DHRSX: variants seen among roughly 807,000 people sequenced by gnomAD.
The protein encoded by DHRSX is polyprenol dehydrogenase.
DHRSX carries 31 observed loss-of-function variants against 34.0 expected under a neutral mutation model. The ratio of observed to expected loss-of-function variants is 0.91; its 90% CI spans 0.69 to 1.23. The LOEUF (loss-of-function observed/expected upper bound fraction) is 1.23. Ranked by LOEUF, DHRSX falls within the 50% of genes most tolerant of loss-of-function variation. DHRSX has a pLI of 0.00. For missense variants in DHRSX, 414 were observed against 428.1 expected (o/e 0.97, Z 0.29); for synonymous variants, 201 against 183.8 (o/e 1.09, Z -0.76).
chrX:2,352,762 G>A (rs1400296766), intron 3 of DHRSX, among the ~76,000 whole-genome samples: 1 of 152,162 alleles, frequency 6.6e-6, no homozygotes, highest in Non-Finnish European at 1.5e-5. Flanking sequence ...GGCTCCTACA[G>A]CAAATAAAAC....
At chrX:2,489,573 G>A (rs1328743695) in intron 1 of DHRSX, 1 of 1,612,628 alleles carries the variant, frequency 6.2e-7, no homozygotes, top group Non-Finnish European at 8.5e-7. Context: ...AGCATGAGGT[G>A]GTGGTTGTTG....
chrX:2,311,955 G>A (rs1194305782), intron 3 of DHRSX, among the ~76,000 whole-genome samples: 1 of 152,152 alleles, frequency 6.6e-6, no homozygotes, highest in African/African-American at 2.4e-5. Context: ...GTTTCCCACT[G>A]TGTTCAAATT....
intron 3 of DHRSX, among the ~76,000 whole-genome samples, chrX:2,314,359 AAGAAGGGAGAGAGGGAAAGGAAT>A (rs2042207430): frequency 2.2e-4 from 1 of 4,530 alleles, no homozygotes; most frequent in African/African-American, 1.3e-3. Context: ...GAGGGAGGGA[AAGAAGGGAGAGAGGGAAAGGAAT>A]GGAGGGAAGG....
intron 4 of DHRSX, among the ~76,000 whole-genome samples, chrX:2,288,746 A>G (rs770876951): frequency 1.3e-5 from 2 of 152,284 alleles, no homozygotes; most frequent in Admixed American, 1.3e-4. Flanking sequence ...GAAGAAGTAA[A>G]CCCAATATGT....
At chrX:2,372,060 CCT>C (rs779121072) in intron 3 of DHRSX, among the ~76,000 whole-genome samples, 14 of 152,166 alleles carry the variant, frequency 9.2e-5, no homozygotes, top group African/African-American at 3.1e-4. Context: ...ACACGTGACC[CCT>C]GACCCCTGTT....
chrX:2,266,353 C>T (rs1429972352), intron 5 of DHRSX, among the ~76,000 whole-genome samples: 22 of 147,074 alleles, frequency 1.5e-4, no homozygotes, highest in Non-Finnish European at 2.7e-4. Flanking sequence ...CCCCAGAGCA[C>T]CAGTGCTCGG....
chrX:2,426,695 C>A (rs61455536), intron 1 of DHRSX, among the ~76,000 whole-genome samples: 2 of 146,788 alleles, frequency 1.4e-5, no homozygotes, highest in East Asian at 4.1e-4. Flanking sequence ...CCTTTCCTTC[C>A]TTTCTCCTTC....
intron 6 of DHRSX, among the ~76,000 whole-genome samples, chrX:2,241,803 G>A (rs1235625022): frequency 1.3e-5 from 2 of 152,064 alleles, no homozygotes; most frequent in Non-Finnish European, 2.9e-5. Context: ...AGCTACTCGG[G>A]AAGCTGAGGC....
chrX:2,247,236 A>G (rs1395514189), intron 5 of DHRSX, among the ~76,000 whole-genome samples: 1 of 152,082 alleles, frequency 6.6e-6, no homozygotes, highest in Non-Finnish European at 1.5e-5. Context: ...GGTGTGAGCC[A>G]CTGTACATGG....
At chrX:2,282,651 G>T (rs1465857808) in intron 4 of DHRSX, among the ~76,000 whole-genome samples, 4 of 137,010 alleles carry the variant, frequency 2.9e-5, no homozygotes, top group African/African-American at 8.0e-5. Context: ...AGGGAGAGAG[G>T]GAGAGAGAGA....
intron 5 of DHRSX, among the ~76,000 whole-genome samples, chrX:2,264,798 G>A (rs1216929134): frequency 8.8e-6 from 1 of 113,334 alleles, no homozygotes; most frequent in African/African-American, 4.3e-5. Context: ...AGGGAGCACC[G>A]TGCCCAGAGC....
chrX:2,421,684 G>A (rs1213903346), intron 2 of DHRSX, among the ~76,000 whole-genome samples: 4 of 152,268 alleles, frequency 2.6e-5, no homozygotes, highest in East Asian at 3.9e-4. Context: ...GGCAGCAGCC[G>A]TGCATTTGCC....
chrX:2,294,220 G>C (rs1198466316), intron 3 of DHRSX, among the ~76,000 whole-genome samples: 1 of 151,968 alleles, frequency 6.6e-6, no homozygotes, highest in Non-Finnish European at 1.5e-5. Flanking sequence ...GACAGTAAAA[G>C]GGACAAAGAG....
intron 2 of DHRSX, among the ~76,000 whole-genome samples, chrX:2,417,229 G>T (rs188047041): frequency 6.6e-6 from 1 of 152,308 alleles, no homozygotes; most frequent in Non-Finnish European, 1.5e-5. Context: ...CTGATGCTCA[G>T]TAAACATCAT....
At position 2,275,361 on chromosome X, in the gene DHRSX, T is replaced by A. The variant is rs887223168; in HGVS notation, c.389-8414A>T. Among the ~76,000 whole-genome samples, 3 of 96,860 alleles carry A rather than the reference T, an allele frequency of 3.1e-5. No individual in the cohort carries two copies. The South Asian group carries it at 1.0e-3, about 33-fold the overall frequency. The allele number at this position is 96,860 out of a possible 152,430, so 63.5% of individuals were successfully genotyped here. On this transcript the variant is annotated intron_variant, in intron 4 of 6. Coordinates refer to ENST00000334651, the MANE Select transcript of DHRSX (RefSeq NM_145177.3). ...AAAAATACAAAAAAAAAAAAAAAAT[T>A]AGCTGAGTGTGGTGGCGGGCACCTG...
intron 3 of DHRSX, among the ~76,000 whole-genome samples, chrX:2,362,662 A>G (rs1218213427): frequency 6.6e-6 from 1 of 152,194 alleles, no homozygotes; most frequent in African/African-American, 2.4e-5. Flanking sequence ...AGGATGGATC[A>G]ATAACTCCAC....
At chrX:2,249,513 C>A (rs1161519385) in intron 5 of DHRSX, among the ~76,000 whole-genome samples, 1 of 70,194 alleles carries the variant, frequency 1.4e-5, no homozygotes, top group South Asian at 5.9e-4. Flanking sequence ...CTTTTTGTGC[C>A]TTTTTTTTTT....
chrX:2,257,335 G>A (rs749176633), intron 5 of DHRSX, among the ~76,000 whole-genome samples: 4 of 152,316 alleles, frequency 2.6e-5, no homozygotes, highest in African/African-American at 9.6e-5. Flanking sequence ...AGATGGAGAC[G>A]GAGCTAACCA....
intron 3 of DHRSX, among the ~76,000 whole-genome samples, chrX:2,364,764 A>G (rs150646407): frequency 6.8e-4 from 104 of 152,326 alleles, no homozygotes; most frequent in African/African-American, 2.4e-3. Context: ...TGATCATTAT[A>G]TAGCATCTGT....
Sources: gnomAD v4.1 joint callset for allele counts (sites outside exome capture counted in the v4.1 genomes callset) on GRCh38, gnomAD v4.1.1 for gene constraint, MANE v1.5 for transcripts, NCBI Gene and HGNC (gene_info 2026-07-23, HGNC 2026-07-21) for gene names.